Variants in SCAF8 observed in about 807,000 individuals in gnomAD.
SCAF8 encodes SR-related and CTD-associated factor 8.
Under a neutral mutation model 140.5 loss-of-function variants are expected in SCAF8, and 23 were observed. That is an observed-to-expected ratio of 0.16 (90% confidence interval 0.12 to 0.23). The LOEUF (loss-of-function observed/expected upper bound fraction) is 0.23. Among genes scored for constraint, SCAF8 ranks in the 10% least tolerant of loss-of-function variants. The probability of loss-of-function intolerance (pLI) is 1.00; values close to 1 mark genes in which losing one functional copy is unlikely to be tolerated. For missense variants in SCAF8, 1,397 were observed against 1,555.7 expected (o/e 0.90, Z 1.72); for synonymous variants, 575 against 528.9 (o/e 1.09, Z -1.20).
At chr6:154,814,837 T>TA (rs1258482103) in intron 12 of SCAF8, among the ~76,000 whole-genome samples, 1 of 152,198 alleles carries the variant, frequency 6.6e-6, no homozygotes, top group African/African-American at 2.4e-5. Context: ...TTTCAACAGT[T>TA]AAGTATCTTT....
intron 1 of SCAF8, among the ~76,000 whole-genome samples, chr6:154,736,538 C>G (rs1191850276): frequency 2.6e-5 from 4 of 152,152 alleles, no homozygotes; most frequent in African/African-American, 9.7e-5. Context: ...TCCCAAAGTG[C>G]TGGGATTACA....
intron 1 of SCAF8, among the ~76,000 whole-genome samples, chr6:154,746,523 C>G (rs958572756): frequency 2.0e-5 from 3 of 152,186 alleles, no homozygotes; most frequent in African/African-American, 7.2e-5. Context: ...TTCGTTCTAG[C>G]TTTCCCTCTT....
intron 1 of SCAF8, among the ~76,000 whole-genome samples, chr6:154,745,537 C>T (rs951015111): frequency 4.6e-5 from 7 of 152,004 alleles, no homozygotes; most frequent in Non-Finnish European, 8.8e-5. Flanking sequence ...CCATGCCTGC[C>T]TGATTTTTTA....
chr6:154,780,448 T>C (rs1339298845), intron 3 of SCAF8, among the ~76,000 whole-genome samples: 1 of 151,852 alleles, frequency 6.6e-6, no homozygotes, highest in African/African-American at 2.4e-5. Context: ...GGTGGTTTGC[T>C]GTACCTATCA....
At position 154,778,050 on chromosome 6, in the gene SCAF8, G is replaced by GTA; in HGVS notation, c.159+10_159+11dup. ...GTTGAGAAGTTTATTCAGAAAGTAA[G>GTA]TATATAATTTTCCATACATGTGCTG... On this transcript the variant is annotated splice_donor_region_variant and intron_variant, in intron 3 of 19. Transcript: ENST00000367178. 1 of 1,476,896 alleles carries GTA rather than the reference G, an allele frequency of 6.8e-7. No individual in the cohort carries two copies. Among genetic ancestry groups the GTA allele is most frequent in the Non-Finnish European group, 9.4e-7 (1 of 1,060,236 alleles). The allele number at this position is 1,476,896 out of a possible 1,614,324, so 91.5% of individuals were successfully genotyped here.
At chr6:154,741,115 G>A (rs1778557459) in intron 1 of SCAF8, among the ~76,000 whole-genome samples, 1 of 152,100 alleles carries the variant, frequency 6.6e-6, no homozygotes, top group South Asian at 2.1e-4. Flanking sequence ...TTATTTTCAA[G>A]TCTGATTTTG....
At chr6:154,797,651 C>T (rs2114890136) in intron 6 of SCAF8, among the ~76,000 whole-genome samples, 1 of 151,474 alleles carries the variant, frequency 6.6e-6, no homozygotes, top group East Asian at 1.9e-4. Flanking sequence ...GCCTCTGCCT[C>T]CCAAAGTGCT....
At chr6:154,829,180 G>T (rs922117273) in intron 18 of SCAF8, among the ~76,000 whole-genome samples, 1 of 151,102 alleles carries the variant, frequency 6.6e-6, no homozygotes, top group Non-Finnish European at 1.5e-5. Context: ...GTGTATCAGG[G>T]TTACCTGAAA....
In SCAF8 at chr6:154,803,407, A is replaced by G; in HGVS notation, c.784-137A>G. The G allele has an allele frequency of 2.5e-5, 17 of 688,862 alleles. No homozygotes were observed. In the South Asian group the frequency reaches 2.7e-4, roughly 11 times the overall value. The allele number at this position is 688,862 out of a possible 1,614,324, so 42.7% of individuals were successfully genotyped here. ...TCTACTCAAAACACTTTATAATAGT[A>G]TAAAGTGATACAAAATGTTTATTTA... On this transcript the variant is annotated intron_variant, in intron 7 of 19. Coordinates refer to ENST00000367178, the MANE Select transcript of SCAF8 (RefSeq NM_014892.5).
chr6:154,791,242 G>A (rs1267600075), intron 4 of SCAF8, among the ~76,000 whole-genome samples: 1 of 152,056 alleles, frequency 6.6e-6, no homozygotes, highest in Middle Eastern at 3.2e-3. Flanking sequence ...TAGTTACCAA[G>A]TTTTCTCTAA....
intron 2 of SCAF8, among the ~76,000 whole-genome samples, chr6:154,776,367 A>G (rs944544676): frequency 8.6e-5 from 13 of 152,026 alleles, no homozygotes; most frequent in African/African-American, 2.9e-4. Flanking sequence ...TGTGTTTCAT[A>G]TTGAGGTAAG....
At chr6:154,818,684 A>G (rs1267497808) in intron 14 of SCAF8, 92 bp downstream of exon 14, 2 of 546,804 alleles carry the variant, frequency 3.7e-6, no homozygotes, top group Non-Finnish European at 6.5e-6. Context: ...GAGGGTCACA[A>G]GCTCTTCTTT....
At chr6:154,831,914 T>G (rs912474617) in intron 19 of SCAF8, 25 bp from the exon 20 acceptor site, 1 of 1,555,958 alleles carries the variant, frequency 6.4e-7, no homozygotes, top group African/African-American at 1.4e-5. Context: ...TATTTTGAGT[T>G]TTTTCTCTCT....
In SCAF8 at chr6:154,824,213, T is replaced by A. The variant is rs113137554; in HGVS notation, c.1927-21T>A. On this transcript the variant is annotated intron_variant, in intron 16 of 19. Coordinates refer to ENST00000367178, the MANE Select transcript of SCAF8 (RefSeq NM_014892.5). The stretch of plus-strand genomic sequence containing the variant: ...CAGGTGAATAAACTGATGAGTGAAC[T>A]TTTTTGTCTATCCACAAAAGATTCC... The A allele has an allele frequency of 5.5e-4, 880 of 1,610,640 alleles. 7 individuals carry two copies. The African/African-American group carries it at 0.011, about 19-fold the overall frequency.
In SCAF8 at chr6:154,832,908, ATGG is replaced by A. The variant is rs1778795025; in HGVS notation, c.3334_3336del (p.Gly1112del). 2 of 1,614,118 alleles carry A rather than the reference ATGG, an allele frequency of 1.2e-6. No individual in the cohort carries two copies. Among genetic ancestry groups the A allele is most frequent in the Middle Eastern group, 1.6e-4 (1 of 6,062 alleles). ...AGAGAGCATCGGGTTCTACCGGTCT[ATGG>A]TGGTCCAAAAGGCTTACATGAAGAA... is the stretch of plus-strand genomic sequence containing the variant. On this transcript the variant is annotated inframe_deletion, in exon 20 of 20. Coordinates refer to ENST00000367178, the MANE Select transcript of SCAF8 (RefSeq NM_014892.5).
At chr6:154,812,225 C>A (rs1344055648) in intron 12 of SCAF8, among the ~76,000 whole-genome samples, 1 of 143,736 alleles carries the variant, frequency 7.0e-6, no homozygotes, top group Admixed American at 7.0e-5. Context: ...TTGTGACCAC[C>A]CTATGTTGAG....
intron 1 of SCAF8, among the ~76,000 whole-genome samples, chr6:154,741,604 A>G (rs940322518): frequency 4.6e-5 from 7 of 151,942 alleles, no homozygotes; most frequent in Middle Eastern, 6.8e-3. Context: ...ACGGGGTTTC[A>G]CCATGTTGGC....
At chr6:154,813,750 T>C (rs1419444167) in intron 12 of SCAF8, among the ~76,000 whole-genome samples, 1 of 152,178 alleles carries the variant, frequency 6.6e-6, no homozygotes, top group Non-Finnish European at 1.5e-5. Context: ...AGGCCCAGTT[T>C]AATTACACGG....
At chr6:154,774,641 T>A (rs1193341382) in intron 2 of SCAF8, among the ~76,000 whole-genome samples, 1 of 152,176 alleles carries the variant, frequency 6.6e-6, no homozygotes, top group African/African-American at 2.4e-5. Flanking sequence ...TATTATAGAT[T>A]TGAAAATAGG....
Sources: gnomAD v4.1 joint callset for allele counts (sites outside exome capture counted in the v4.1 genomes callset) on GRCh38, gnomAD v4.1.1 for gene constraint, MANE v1.5 for transcripts, NCBI Gene and HGNC (gene_info 2026-07-23, HGNC 2026-07-21) for gene names.